The following RB1 variants were observed in gnomAD, a reference collection of about 807,000 sequenced individuals.
RB1 encodes retinoblastoma-associated protein.
Under a neutral mutation model 135.4 loss-of-function variants are expected in RB1, and 18 were observed. The ratio of observed to expected loss-of-function variants is 0.13; its 90% CI spans 0.09 to 0.20. The LOEUF (loss-of-function observed/expected upper bound fraction) is 0.20, where lower values mean the gene tolerates loss of function less well. Ranked by LOEUF, RB1 falls within the 10% of genes least tolerant of loss-of-function variation. The probability of loss-of-function intolerance (pLI) is 1.00; values close to 1 mark genes in which losing one functional copy is unlikely to be tolerated. For synonymous variants in RB1, 365 were observed against 373.2 expected, an observed-to-expected ratio of 0.98 and a Z score of 0.25; for missense variants, 868 against 1,110.0, an observed-to-expected ratio of 0.78 and a Z score of 3.10.
chr13:48,457,241 A>G (rs1228299807), intron 19 of RB1, among the ~76,000 whole-genome samples: 4 of 152,200 alleles, frequency 2.6e-5, no homozygotes, highest in African/African-American at 9.6e-5. Flanking sequence ...CAGAGAAGGT[A>G]GCTCCTCTCT....
chr13:48,430,465 G>A (rs1053166853), intron 17 of RB1, among the ~76,000 whole-genome samples: 1 of 152,148 alleles, frequency 6.6e-6, no homozygotes, highest in Non-Finnish European at 1.5e-5. Flanking sequence ...TAGAGGCCAG[G>A]CACTGTGGCT....
At chr13:48,351,273 A>G (rs1362371893) in intron 6 of RB1, among the ~76,000 whole-genome samples, 1 of 152,160 alleles carries the variant, frequency 6.6e-6, no homozygotes, top group Non-Finnish European at 1.5e-5. Flanking sequence ...AGTAACAGCT[A>G]TTCTGACTGG....
chr13:48,439,546 A>C (rs1949216137), intron 17 of RB1: 1 of 152,196 alleles, frequency 6.6e-6, no homozygotes, highest in African/African-American at 2.4e-5. Context: ...TCTGGGATAA[A>C]GTTAAAAATT....
chr13:48,317,797 G>T, intron 2 of RB1: 1 of 365,482 alleles, frequency 2.7e-6, no homozygotes, highest in African/African-American at 2.1e-5. Context: ...TGCCGGCTGT[G>T]GGACCCCCCT....
At chr13:48,440,546 T>G (rs1949227006) in intron 17 of RB1, among the ~76,000 whole-genome samples, 1 of 152,196 alleles carries the variant, frequency 6.6e-6, no homozygotes, top group South Asian at 2.1e-4. Context: ...ATTTAGTATT[T>G]GGCTTCATAT....
At chr13:48,426,779 A>G (rs1566221600) in intron 17 of RB1, 1 of 152,164 alleles carries the variant, frequency 6.6e-6, no homozygotes, top group Non-Finnish European at 1.5e-5. Flanking sequence ...ATGTTGTGCT[A>G]GTTCGTTCTT....
chr13:48,447,593 A>G lies in RB1; in HGVS notation c.1696-5400A>G, dbSNP rs929328583. Among the ~76,000 whole-genome samples, 40 of 152,140 alleles carry G rather than the reference A, an allele frequency of 2.6e-4. 1 individual carries two copies. The highest frequency in any genetic ancestry group is 4.4e-5 in the Non-Finnish European group (3 of 68,016). ...TCTTAACATTATTAATTCACTTCTC[A>G]TATACTATGATTTAAGTTACTACTA... On this transcript the variant is annotated intron_variant, in intron 17 of 26. Transcript: ENST00000267163.
intron 2 of RB1, among the ~76,000 whole-genome samples, chr13:48,337,506 GC>G (rs1952396003): frequency 6.6e-6 from 1 of 152,072 alleles, no homozygotes; most frequent in Admixed American, 6.5e-5. Flanking sequence ...TGCAACCCCT[GC>G]CTTTTTTTGT....
intron 24 of RB1, among the ~76,000 whole-genome samples, chr13:48,475,316 G>C (rs1210667407): frequency 6.6e-6 from 1 of 151,496 alleles, no homozygotes; most frequent in Non-Finnish European, 1.5e-5. Context: ...ACTTAGCTGG[G>C]CCAGAGTTTC....
At chr13:48,362,990 T>TA in intron 8 of RB1, 33 bp downstream of exon 8, 1 of 1,602,034 alleles carries the variant, frequency 6.2e-7, no homozygotes, top group East Asian at 2.2e-5. Context: ...TTAAAACAGT[T>TA]AAAGTAGATT....
intron 2 of RB1, chr13:48,316,895 G>T: frequency 2.9e-6 from 1 of 347,584 alleles, no homozygotes; most frequent in Non-Finnish European, 5.7e-6. Flanking sequence ...TGTCCTCCGT[G>T]CGCGGAGTGT....
chr13:48,406,717 G>C (rs1430885584), intron 17 of RB1: 2 of 152,188 alleles, frequency 1.3e-5, no homozygotes, highest in African/African-American at 4.8e-5. Flanking sequence ...TGCCTGTGGT[G>C]CTTGCCTTGC....
intron 24 of RB1, among the ~76,000 whole-genome samples, chr13:48,473,795 G>A (rs4151611): frequency 0.053 from 8,050 of 152,026 alleles, 388 homozygotes; most frequent in East Asian, 0.16. Context: ...CCCAGAGTCA[G>A]CATCAGACTC....
chr13:48,398,029 C>T (rs1236499044), intron 17 of RB1, among the ~76,000 whole-genome samples: 4 of 152,116 alleles, frequency 2.6e-5, no homozygotes, highest in African/African-American at 4.8e-5. Flanking sequence ...TGTAAGATAA[C>T]GATTAAGCCA....
chr13:48,348,444 C>G (rs771540571), intron 5 of RB1, among the ~76,000 whole-genome samples: 4 of 151,742 alleles, frequency 2.6e-5, no homozygotes, highest in Non-Finnish European at 4.4e-5. Flanking sequence ...GTGAATGTCT[C>G]TGGAAAGATT....
At chr13:48,339,639 G>A (rs559347851) in intron 2 of RB1, among the ~76,000 whole-genome samples, 26 of 152,260 alleles carry the variant, frequency 1.7e-4, no homozygotes, top group Non-Finnish European at 2.1e-4. Flanking sequence ...GTGATGCCTC[G>A]CCCTGCTTTG....
At chr13:48,396,994 A>G (rs1948653953) in intron 17 of RB1, among the ~76,000 whole-genome samples, 1 of 152,222 alleles carries the variant, frequency 6.6e-6, no homozygotes, top group African/African-American at 2.4e-5. Flanking sequence ...GTCAGGAAAC[A>G]ACAGATGCTG....
intron 21 of RB1, among the ~76,000 whole-genome samples, chr13:48,464,747 A>G (rs1949426657): frequency 6.6e-6 from 1 of 152,142 alleles, no homozygotes; most frequent in Non-Finnish European, 1.5e-5. Context: ...CAGCTCTTCC[A>G]TCTGCTGCTG....
At chr13:48,450,091 TA>T (rs58609774) in intron 17 of RB1, among the ~76,000 whole-genome samples, 2,030 of 119,624 alleles carry the variant, frequency 0.017, 42 homozygotes, top group African/African-American at 0.073. Context: ...ATGATATATA[TA>T]TATTTTTTTT....
Sources: gnomAD v4.1 joint callset for allele counts (sites outside exome capture counted in the v4.1 genomes callset) on GRCh38, gnomAD v4.1.1 for gene constraint, MANE v1.5 for transcripts, NCBI Gene and HGNC (gene_info 2026-07-23, HGNC 2026-07-21) for gene names.